The following SLC14A2 variants were observed in gnomAD, a reference collection of about 807,000 sequenced individuals.
The protein encoded by SLC14A2 is urea transporter 2.
Under a neutral mutation model 104.6 loss-of-function variants are expected in SLC14A2, and 91 were observed. The observed-to-expected ratio is 0.87, with a 90% CI of 0.73 to 1.04. The LOEUF (loss-of-function observed/expected upper bound fraction) is 1.04. Ranked by LOEUF, SLC14A2 falls within the 50% of genes least tolerant of loss-of-function variation. The pLI is 0.00. For missense variants in SLC14A2, 1,189 were observed against 1,156.0 expected, an observed-to-expected ratio of 1.03 and a Z score of -0.41; for synonymous variants, 476 against 466.4, an observed-to-expected ratio of 1.02 and a Z score of -0.27.
chr18:45,677,077 T>C (rs1294000639), intron 18 of SLC14A2, among the ~76,000 whole-genome samples: 1 of 151,966 alleles, frequency 6.6e-6, no homozygotes, highest in East Asian at 1.9e-4. Context: ...GACAGACAGT[T>C]TTCCCTCCAG....
At chr18:45,624,607 C>T in intron 1 of SLC14A2, 24 bp from the exon 2 acceptor site, 3 of 1,556,958 alleles carry the variant, frequency 1.9e-6, no homozygotes, top group South Asian at 2.4e-5. Context: ...GACTCACTAG[C>T]TCTTTCCCTT....
intron 6 of SLC14A2, among the ~76,000 whole-genome samples, chr18:45,639,164 C>T (rs1457502684): frequency 6.6e-6 from 1 of 152,156 alleles, no homozygotes; most frequent in African/African-American, 2.4e-5. Context: ...AGGCTCACAA[C>T]CCCCCAGGGT....
intron 1 of SLC14A2, among the ~76,000 whole-genome samples, chr18:45,374,902 C>T (rs1180933594): frequency 6.6e-6 from 1 of 152,190 alleles, no homozygotes; most frequent in Non-Finnish European, 1.5e-5. Flanking sequence ...AGCTAAGACA[C>T]AACCCCTGGG....
At chr18:45,639,651 A>G (rs2045485358) in intron 6 of SLC14A2, 95 bp from the exon 7 acceptor site, 3 of 1,253,366 alleles carry the variant, frequency 2.4e-6, no homozygotes, top group Non-Finnish European at 3.4e-6. Context: ...GTTCCACTCC[A>G]TTACTCCCCC....
In SLC14A2 at chr18:45,244,278, A is replaced by G. The variant is rs144244435; in HGVS notation, c.-125+31087A>G. Among the ~76,000 whole-genome samples the G allele has an allele frequency of 6.2e-3, 940 of 152,046 alleles. 20 individuals are homozygous for G. Among genetic ancestry groups the G allele is most frequent in the African/African-American group, 0.022 (899 of 41,468 alleles). On this transcript the variant is annotated intron_variant, in intron 1 of 20. Transcript: ENST00000586448. ...CTGCTGGTCACTATTTTATTTGTTCAGTTTTAGACATGTCTATGAATAGTT... is the reference window on the plus strand; with the variant it reads ...CTGCTGGTCACTATTTTATTTGTTCGGTTTTAGACATGTCTATGAATAGTT...
At chr18:45,464,231 CTG>C (rs2087098980) in intron 1 of SLC14A2, among the ~76,000 whole-genome samples, 1 of 152,182 alleles carries the variant, frequency 6.6e-6, no homozygotes, top group East Asian at 1.9e-4. Context: ...TACCAACTAA[CTG>C]TCTGATTTAG....
At chr18:45,324,809 A>AAG in intron 1 of SLC14A2, among the ~76,000 whole-genome samples, 1 of 152,050 alleles carries the variant, frequency 6.6e-6, no homozygotes, top group East Asian at 1.9e-4. Flanking sequence ...TTGCAAAGTA[A>AAG]AGTATGACCT....
At chr18:45,426,099 A>T (rs776147291) in intron 1 of SLC14A2, among the ~76,000 whole-genome samples, 3 of 151,602 alleles carry the variant, frequency 2.0e-5, no homozygotes, top group Non-Finnish European at 2.9e-5. Flanking sequence ...TCTCCTGCTC[A>T]CTCCTCCACA....
At chr18:45,287,350 C>T (rs1168107557) in intron 1 of SLC14A2, among the ~76,000 whole-genome samples, 1 of 152,228 alleles carries the variant, frequency 6.6e-6, no homozygotes, top group Admixed American at 6.5e-5. Context: ...TCACCCACGT[C>T]AGCTCAGAGA....
chr18:45,171,521 G>A, the SLC14A2 span, among the ~76,000 whole-genome samples: 1 of 152,074 alleles, frequency 6.6e-6, no homozygotes, highest in African/African-American at 2.4e-5. Context: ...AATGACTTCT[G>A]GATTGAAGAT....
intron 2 of SLC14A2, among the ~76,000 whole-genome samples, chr18:45,506,947 C>T (rs145485714): frequency 6.6e-6 from 1 of 152,190 alleles, no homozygotes; most frequent in Non-Finnish European, 1.5e-5. Context: ...TGACTTACCC[C>T]CTCCTCAAGG....
intron 2 of SLC14A2, among the ~76,000 whole-genome samples, chr18:45,593,012 C>A (rs764663576): frequency 5.9e-5 from 9 of 152,170 alleles, no homozygotes; most frequent in Non-Finnish European, 1.3e-4. Context: ...TAGACCAGAG[C>A]TGTCCAATAG....
At chr18:45,499,374 A>C (rs2144754828) in intron 2 of SLC14A2, among the ~76,000 whole-genome samples, 1 of 152,316 alleles carries the variant, frequency 6.6e-6, no homozygotes, top group South Asian at 2.1e-4. Flanking sequence ...CTACACTTAA[A>C]CCATACATTT....
In SLC14A2 at chr18:45,387,850, T is replaced by C. The variant is rs370945728; in HGVS notation, c.-124-95383T>C. 3.3e-5 allele frequency among the ~76,000 whole-genome samples: 5 copies of C among 152,188 alleles called. No homozygotes were observed. The East Asian group carries it at 9.7e-4, about 29-fold the overall frequency. On this transcript the variant is annotated intron_variant, in intron 1 of 20. Coordinates refer to the SLC14A2 transcript ENST00000586448. ...AACAGCTGGAAGAAAATTGAGGCTA[T>C]TTGTCAAAAATGCATGAAAGCCGGT...
the SLC14A2 span, among the ~76,000 whole-genome samples, chr18:45,198,128 C>A: frequency 6.6e-6 from 1 of 152,172 alleles, no homozygotes; most frequent in African/African-American, 2.4e-5. Flanking sequence ...TACCTGGGTG[C>A]TTTGGAGTTA....
the SLC14A2 span, among the ~76,000 whole-genome samples, chr18:45,207,206 A>G: frequency 6.6e-6 from 1 of 152,038 alleles, no homozygotes; most frequent in Non-Finnish European, 1.5e-5. Flanking sequence ...TTAGTCAAAA[A>G]TTCATGTGGC....
At chr18:45,577,973 G>A (rs2044437929) in intron 2 of SLC14A2, among the ~76,000 whole-genome samples, 1 of 152,150 alleles carries the variant, frequency 6.6e-6, no homozygotes, top group Non-Finnish European at 1.5e-5. Flanking sequence ...CATAGAGGCA[G>A]CTCACAATCC....
intron 2 of SLC14A2, among the ~76,000 whole-genome samples, chr18:45,582,331 A>G (rs1490761867): frequency 6.6e-6 from 1 of 152,206 alleles, no homozygotes; most frequent in Non-Finnish European, 1.5e-5. Flanking sequence ...ATGCTAGGAA[A>G]TGTGCAAAAT....
intron 1 of SLC14A2, among the ~76,000 whole-genome samples, chr18:45,350,803 C>T (rs999357028): frequency 5.3e-5 from 8 of 151,310 alleles, no homozygotes; most frequent in African/African-American, 1.2e-4. Flanking sequence ...ACAGCAGTTC[C>T]GCTTATAGAA....
Sources: allele counts gnomAD v4.1 joint callset (sites outside exome capture counted in the v4.1 genomes callset), GRCh38; gene constraint gnomAD v4.1.1; transcripts MANE v1.5; gene names NCBI Gene and HGNC (gene_info 2026-07-23, HGNC 2026-07-21).